The following POLRMT variants were observed in gnomAD, a reference collection of about 807,000 sequenced individuals.
POLRMT encodes RNA polymerase mitochondrial, also known as DNA-directed RNA polymerase, mitochondrial.
A neutral mutation model predicts 132.2 loss-of-function variants in POLRMT; 114 were observed. That is an observed-to-expected ratio of 0.86 (90% CI 0.74 to 1.01). The LOEUF (loss-of-function observed/expected upper bound fraction) is 1.01, where lower values mean the gene tolerates loss of function less well. Among genes scored for constraint, POLRMT ranks in the 50% least tolerant of loss-of-function variants. POLRMT has a pLI of 0.00. For missense variants in POLRMT, 2,003 were observed against 1,729.1 expected (o/e 1.16, Z -2.81); for synonymous variants, 1,020 against 773.4 (o/e 1.32, Z -5.29).
At position 617,296 on chromosome 19, in the gene POLRMT, C is replaced by T. The variant is rs750945052; in HGVS notation, c.3671G>A (p.Arg1224His). Residue 1224 changes from arginine (R) to histidine (H), a missense_variant, in exon 21 of 21, where the codon CGT becomes CAT. Physicochemically the swap from Arg to His is conservative, Grantham distance 29. Coordinates refer to ENST00000588649, the MANE Select transcript of POLRMT (RefSeq NM_005035.4). Reference sequence around the variant, plus strand: ...GTGTCAGCTGAAGAAGTAGGTGGAACGCTTCACCTGCTCCAGGTCGAAGGC... The same window carrying T: ...GTGTCAGCTGAAGAAGTAGGTGGAATGCTTCACCTGCTCCAGGTCGAAGGC... ...PGAFDLEQVKRSTYFFS is the reference protein window; with the variant it reads ...PGAFDLEQVKHSTYFFS 6.8e-6 allele frequency: 11 copies of T among 1,612,770 alleles called. No individual in the cohort carries two copies. The highest frequency in any genetic ancestry group is 1.7e-4 in the Middle Eastern group (1 of 6,052).
intron 3 of POLRMT, among the ~76,000 whole-genome samples, chr19:628,776 G>C (rs566338050): frequency 6.6e-6 from 1 of 152,098 alleles, no homozygotes; most frequent in African/African-American, 2.4e-5. Flanking sequence ...AGGCTCAGGG[G>C]GGCAGATCAC....
At chr19:621,991 G>T (rs1412879808) in intron 9 of POLRMT, 145 bp from the exon 10 acceptor site, 5 of 1,196,696 alleles carry the variant, frequency 4.2e-6, no homozygotes, top group Non-Finnish European at 5.7e-6. Context: ...CTCCAGAAAC[G>T]GCCGGACACC....
chr19:629,302 C>G lies in POLRMT; in HGVS notation c.822+238G>C, dbSNP rs1366001714. On this transcript the variant is annotated intron_variant, in intron 3 of 20. Transcript: ENST00000588649. ...CCCTGCCCAGACAGATTCACGAGCC[C>G]CGAGAAAGAACGGAAGGAAATGCTC... Among the ~76,000 whole-genome samples, 3 of 152,144 alleles carry G rather than the reference C, an allele frequency of 2.0e-5. No individual in the cohort carries two copies. The Middle Eastern group carries it at 0.01, about 517-fold the overall frequency.
At chr19:623,314 G>A (rs1984774428) in intron 6 of POLRMT, 140 bp downstream of exon 6, 6 of 1,400,590 alleles carry the variant, frequency 4.3e-6, no homozygotes, top group South Asian at 1.4e-5. Flanking sequence ...CCGCATACAC[G>A]GAGCTCAGCC....
chr19:620,807 G>A (rs117097376), intron 10 of POLRMT, among the ~76,000 whole-genome samples: 16,406 of 113,056 alleles, frequency 0.15, 1,836 homozygotes, highest in East Asian at 0.24. Context: ...TGGGGAACGC[G>A]GGGGCCCTGG....
rs373588878 is a variant in POLRMT, at chr19:619,582, G to T, written c.3066+4C>A. The stretch of plus-strand genomic sequence containing the variant: ...GTGTTCGCAGCGCGACATGCCTGGC[G>T]CACCTGGGGAAAGTCGCTCAGCTCC... On this transcript the variant is annotated splice_donor_region_variant and intron_variant, in intron 13 of 20. Coordinates refer to ENST00000588649, the MANE Select transcript of POLRMT (RefSeq NM_005035.4). 128 of 1,611,256 alleles carry T rather than the reference G, an allele frequency of 7.9e-5. No homozygotes were observed. In the African/African-American group the frequency reaches 1.5e-3, roughly 18 times the overall value.
chr19:630,251 G>T (rs1185531184), intron 2 of POLRMT, 83 bp from the exon 3 acceptor site: 1 of 1,477,498 alleles, frequency 6.8e-7, no homozygotes, highest in African/African-American at 1.4e-5. Flanking sequence ...AGCCAGGCCA[G>T]GAGGTGCAGG....
At chr19:631,619 C>G (rs1985423944) in intron 2 of POLRMT, among the ~76,000 whole-genome samples, 1 of 151,698 alleles carries the variant, frequency 6.6e-6, no homozygotes, top group African/African-American at 2.4e-5. Context: ...AGCCTAGCAA[C>G]AGATTGAGAA....
At chr19:628,654 G>A (rs1286520195) in intron 3 of POLRMT, among the ~76,000 whole-genome samples, 1 of 152,012 alleles carries the variant, frequency 6.6e-6, no homozygotes, top group African/African-American at 2.4e-5. Context: ...AGCTGGGAAC[G>A]TTTGCTGCTT....
intron 3 of POLRMT, among the ~76,000 whole-genome samples, chr19:628,527 C>T (rs1214911385): frequency 6.6e-6 from 1 of 152,180 alleles, no homozygotes; most frequent in East Asian, 1.9e-4. Context: ...ACGAATTGGT[C>T]TTAATATTGC....
intron 3 of POLRMT, 90 bp from the exon 4 acceptor site, chr19:625,344 C>A: frequency 6.5e-7 from 1 of 1,545,208 alleles, no homozygotes; most frequent in South Asian, 1.2e-5. Context: ...CTGTAGCCAC[C>A]AGCTCAGCAG....
At chr19:623,013 C>G in intron 6 of POLRMT, 28 bp from the exon 7 acceptor site, 1 of 1,605,562 alleles carries the variant, frequency 6.2e-7, no homozygotes. Context: ...GCCCGGTGAG[C>G]CCCGTGGCAG....
chr19:633,028 G>A (rs1316873796), intron 1 of POLRMT, 90 bp from the exon 2 acceptor site: 2 of 922,406 alleles, frequency 2.2e-6, no homozygotes, highest in Non-Finnish European at 3.1e-6. Context: ...AAGGGCAAAG[G>A]AGCCCTAAAC....
In POLRMT at chr19:621,437, C is replaced by A. The variant is rs745790013; in HGVS notation, c.2261G>T (p.Arg754Leu). The change falls in exon 10 of 21, where the codon CGC becomes CTC. Residue 754 changes from arginine (R) to leucine (L), a missense_variant. Transcript: ENST00000588649. The stretch of plus-strand genomic sequence containing the variant: ...CAGCTCACGGCGCAGCTCGGCCTTG[C>A]GGGCGGGCGCGGCGCTGTGCGGCAG... ...AHLPHSAAPA[R>L]KAELRRELAH... is the part of the protein sequence containing the mutation. The A allele has an allele frequency of 2.1e-6, 3 of 1,445,524 alleles. No individual in the cohort carries two copies. Among genetic ancestry groups the A allele is most frequent in the Non-Finnish European group, 2.7e-6 (3 of 1,104,214 alleles). The allele number at this position is 1,445,524 out of a possible 1,614,324, so 89.5% of individuals were successfully genotyped here.
chr19:619,847 C>A lies in POLRMT; in HGVS notation c.2887-82G>T, dbSNP rs1984365116. Reference sequence around the variant, plus strand: ...CCAAGCACCCATGAAGCCCCCGCCCCAGCCCCACCACATCCTCAGGACAGG... The same window carrying A: ...CCAAGCACCCATGAAGCCCCCGCCCAAGCCCCACCACATCCTCAGGACAGG... On this transcript the variant is annotated intron_variant, in intron 12 of 20. Coordinates refer to ENST00000588649, the MANE Select transcript of POLRMT (RefSeq NM_005035.4). 3 of 1,559,524 alleles carry A rather than the reference C, an allele frequency of 1.9e-6. No individual in the cohort carries two copies. In the Admixed American group the frequency reaches 5.4e-5, roughly 28 times the overall value.
chr19:632,951 C>A lies in POLRMT; in HGVS notation c.89-13G>T. ...CCACCGGCGGTCCCTGCGGGAAAGA[C>A]GAGAGCGGCTGAGCGGGGCCGGGCG... On this transcript the variant is annotated splice_polypyrimidine_tract_variant and intron_variant, in intron 1 of 20. Transcript: ENST00000588649. 2.7e-6 allele frequency: 4 copies of A among 1,487,314 alleles called. No individual in the cohort carries two copies. Among genetic ancestry groups the A allele is most frequent in the South Asian group, 1.3e-5 (1 of 79,286 alleles). 92.1% of individuals were successfully genotyped at this position (1,487,314 alleles called of 1,614,324 possible). A position where few individuals can be genotyped will look rare whatever the true frequency, so the allele number is the denominator to read the frequency against.
chr19:622,008 G>T (rs1984649489), intron 9 of POLRMT, 141 bp downstream of exon 9: 1 of 1,135,934 alleles, frequency 8.8e-7, no homozygotes, highest in Non-Finnish European at 1.2e-6. Flanking sequence ...CACCTGCATG[G>T]ACACCCATGG....
chr19:618,564 T>C lies in POLRMT; in HGVS notation c.3346A>G (p.Lys1116Glu). ...ATGAAGTTGGGCGGGAAGCCGTTCT[T>C]CTGCTTACGTGTGTTGGGCTTTCTG... is the stretch of plus-strand genomic sequence containing the variant. Reference protein sequence around the residue: ...ISRKPNTRKQKNGFPPNFIHS... With the variant: ...ISRKPNTRKQENGFPPNFIHS... Residue 1116 changes from lysine (K) to glutamate (E), a missense_variant, in exon 17 of 21, where the codon AAG becomes GAG. Physicochemically the swap from Lys to Glu is moderately conservative, Grantham distance 56. Coordinates refer to ENST00000588649, the MANE Select transcript of POLRMT (RefSeq NM_005035.4). 1 of 1,613,326 alleles carries C rather than the reference T, an allele frequency of 6.2e-7. No homozygotes were observed. Among genetic ancestry groups the C allele is most frequent in the Non-Finnish European group, 8.5e-7 (1 of 1,179,484 alleles).
intron 2 of POLRMT, among the ~76,000 whole-genome samples, chr19:631,820 C>T (rs939381728): frequency 3.3e-5 from 5 of 152,176 alleles, no homozygotes; most frequent in Non-Finnish European, 7.4e-5. Flanking sequence ...CGGCTCACCG[C>T]AACCTCCACC....
Sources: gnomAD v4.1 joint callset for allele counts (sites outside exome capture counted in the v4.1 genomes callset) on GRCh38, gnomAD v4.1.1 for gene constraint, MANE v1.5 for transcripts, NCBI Gene and HGNC (gene_info 2026-07-23, HGNC 2026-07-21) for gene names.